The following LRRK1 variants were observed in gnomAD, a reference collection of about 807,000 sequenced individuals.
LRRK1 encodes the protein leucine-rich repeat serine/threonine-protein kinase 1.
A neutral mutation model predicts 209.1 loss-of-function variants in LRRK1; 113 were observed. The ratio of observed to expected loss-of-function variants is 0.54; its 90% CI spans 0.46 to 0.63. LRRK1 has a LOEUF of 0.63. Ranked by LOEUF, LRRK1 falls within the 30% of genes least tolerant of loss-of-function variation. The pLI is 0.00. For synonymous variants in LRRK1, 1,144 were observed against 1,099.7 expected (o/e 1.04, Z -0.80); for missense variants, 2,284 against 2,632.2 (o/e 0.87, Z 2.89).
intron 15 of LRRK1, among the ~76,000 whole-genome samples, chr15:101,023,392 C>T (rs1785582912): frequency 6.6e-6 from 1 of 152,090 alleles, no homozygotes; most frequent in African/African-American, 2.4e-5. Flanking sequence ...CAGTGCCAGG[C>T]AAATGGAAAT....
At chr15:100,926,513 A>G (rs1207314092) in intron 2 of LRRK1, among the ~76,000 whole-genome samples, 1 of 128,580 alleles carries the variant, frequency 7.8e-6, no homozygotes, top group African/African-American at 3.0e-5. Context: ...GTGCTTCTCA[A>G]CCACGGCCCA....
chr15:101,054,316 A>G (rs2035664592), intron 26 of LRRK1, among the ~76,000 whole-genome samples: 1 of 152,240 alleles, frequency 6.6e-6, no homozygotes, highest in South Asian at 2.1e-4. Context: ...TACGTAGGAC[A>G]GCCTTGACCT....
rs1451676529 is a variant in LRRK1, at chr15:101,070,682, T to G, written c.*1834T>G. 6.6e-6 allele frequency: 1 copy of G among 151,804 alleles called. No homozygotes were observed. Among genetic ancestry groups the G allele is most frequent in the Non-Finnish European group, 1.5e-5 (1 of 68,018 alleles). 9.4% of individuals were successfully genotyped at this position (151,804 alleles called of 1,614,324 possible). On this transcript the variant is annotated 3_prime_UTR_variant, in exon 34 of 34. Coordinates refer to ENST00000388948, the MANE Select transcript of LRRK1 (RefSeq NM_024652.6). Reference sequence around the variant, plus strand: ...AATCATACAGGCCTAAAGTCCCAGCTACCCAGGAGCCAAGGCAGGAGGAAC... The same window carrying G: ...AATCATACAGGCCTAAAGTCCCAGCGACCCAGGAGCCAAGGCAGGAGGAAC...
At position 101,001,285 on chromosome 15, in the gene LRRK1, T is replaced by C. The variant is rs138395768; in HGVS notation, c.763-7552T>C. Among the ~76,000 whole-genome samples, 122 of 152,232 alleles carry C rather than the reference T, an allele frequency of 8.0e-4. 2 individuals carry two copies. The East Asian group carries it at 0.016, about 20-fold the overall frequency. ...TGTAGCCTTGAAATTTACCTTCAGC[T>C]TGTGGGCGTCGGTGCACAGACGCTC... On this transcript the variant is annotated intron_variant, in intron 6 of 33. Coordinates refer to ENST00000388948, the MANE Select transcript of LRRK1 (RefSeq NM_024652.6).
At chr15:101,049,457 G>C in intron 22 of LRRK1, 187 bp from the exon 23 acceptor site, 1 of 575,654 alleles carries the variant, frequency 1.7e-6, no homozygotes, top group Non-Finnish European at 2.9e-6. Flanking sequence ...ACCAGGCCAG[G>C]TCCGGGGCAA....
intron 28 of LRRK1, among the ~76,000 whole-genome samples, 196 bp downstream of exon 28, chr15:101,057,246 G>A (rs749319288): frequency 1.3e-5 from 2 of 152,168 alleles, no homozygotes; most frequent in African/African-American, 4.8e-5. Flanking sequence ...TCACTCTTAC[G>A]AAACAAACTT....
Position 100,949,106 on chromosome 15 carries a change from C to G in LRRK1, c.97+24377C>G, listed in dbSNP as rs184182595. Among the ~76,000 whole-genome samples, 420 of 152,098 alleles carry G rather than the reference C, an allele frequency of 2.8e-3. 4 individuals are homozygous for G. The highest frequency in any genetic ancestry group is 9.7e-3 in the African/African-American group (403 of 41,506). The stretch of plus-strand genomic sequence containing the variant: ...AAAGTTAGTTCTTTGAAAAAACCAA[C>G]GATTTTTGTTGACAAACCTTTAGTT... On this transcript the variant is annotated intron_variant, in intron 2 of 33. Coordinates refer to ENST00000388948, the MANE Select transcript of LRRK1 (RefSeq NM_024652.6).
intron 33 of LRRK1, 136 bp from the exon 34 acceptor site, chr15:101,068,535 C>T: frequency 1.2e-6 from 1 of 868,342 alleles, no homozygotes; most frequent in Non-Finnish European, 1.7e-6. Context: ...CAGCACACCC[C>T]AGAGAGGGCT....
At chr15:101,015,194 G>GCCCCTGCCACTGCAGCGTGCA (rs889652377) in intron 11 of LRRK1, 132 bp from the exon 12 acceptor site, 15 of 680,392 alleles carry the variant, frequency 2.2e-5, no homozygotes, top group African/African-American at 5.4e-5. Context: ...TGCAGCGTGC[G>GCCCCTGCCACTGCAGCGTGCA]CCCCTGCCAG....
rs1175028085 is a variant in LRRK1, at chr15:101,021,274, G to A, written c.1739+92G>A. 7 of 1,373,404 alleles carry A rather than the reference G, an allele frequency of 5.1e-6. No individual in the cohort carries two copies. In the African/African-American group the frequency reaches 8.7e-5, roughly 17 times the overall value. 85.1% of individuals were successfully genotyped at this position (1,373,404 alleles called of 1,614,324 possible). ...AACCAACTGGGACACAGAAAGCCAG[G>A]CAGAAAGAAGCCATCTACTTTCCAA... On this transcript the variant is annotated intron_variant, in intron 13 of 33. Transcript: ENST00000388948.
intron 3 of LRRK1, among the ~76,000 whole-genome samples, 172 bp from the exon 4 acceptor site, chr15:100,983,356 A>G (rs1359631136): frequency 6.6e-6 from 1 of 152,096 alleles, no homozygotes; most frequent in East Asian, 1.9e-4. Context: ...TCCACCTCTC[A>G]CTTCTGAGGA....
chr15:101,066,263 G>A, intron 32 of LRRK1, 58 bp downstream of exon 32: 1 of 1,540,182 alleles, frequency 6.5e-7, no homozygotes, highest in Non-Finnish European at 8.7e-7. Flanking sequence ...CTGCTCTGGG[G>A]ACAGAGCAAG....
At chr15:101,010,409 C>T in intron 7 of LRRK1, 41 bp from the exon 8 acceptor site, 2 of 1,577,492 alleles carry the variant, frequency 1.3e-6, no homozygotes, top group Non-Finnish European at 8.6e-7. Flanking sequence ...GGTGTTTTCC[C>T]TCTTTATTCT....
At chr15:101,001,941 G>A (rs756303521) in intron 6 of LRRK1, among the ~76,000 whole-genome samples, 1 of 152,116 alleles carries the variant, frequency 6.6e-6, no homozygotes, top group African/African-American at 2.4e-5. Context: ...ACTCCGGCAA[G>A]GCTGCTCTTG....
intron 2 of LRRK1, among the ~76,000 whole-genome samples, chr15:100,951,841 A>G (rs1385000552): frequency 1.3e-5 from 2 of 151,960 alleles, no homozygotes; most frequent in Non-Finnish European, 2.9e-5. Context: ...AATCCCAGCT[A>G]CTTAGGAGGC....
At chr15:100,976,991 A>G (rs2031330241) in intron 3 of LRRK1, among the ~76,000 whole-genome samples, 3 of 152,204 alleles carry the variant, frequency 2.0e-5, no homozygotes. Context: ...CTTCTCACTA[A>G]GTGCACTGAA....
In LRRK1 at chr15:100,969,991, C is replaced by A. The variant is rs2030755852; in HGVS notation, c.98-3813C>A. On this transcript the variant is annotated intron_variant, in intron 2 of 33. Transcript: ENST00000388948. ...GCAACCTCTGCCTCCCAGGTTCAAG[C>A]GATTCTCCTGCCTCAGCCTTCATAA... Among the ~76,000 whole-genome samples the A allele has an allele frequency of 2.0e-5, 3 of 151,828 alleles. No individual in the cohort carries two copies. In the South Asian group the frequency reaches 6.2e-4, roughly 31 times the overall value.
chr15:100,973,735 C>G (rs1457468224), intron 2 of LRRK1, 69 bp from the exon 3 acceptor site: 21 of 1,239,486 alleles, frequency 1.7e-5, no homozygotes, highest in Non-Finnish European at 7.1e-6. Flanking sequence ...TGCTGTGTTC[C>G]ACGGTGATTC....
chr15:100,977,889 GCCA>G lies in LRRK1; in HGVS notation c.261+3923_261+3925del, dbSNP rs375286840. On this transcript the variant is annotated intron_variant, in intron 3 of 33. Coordinates refer to ENST00000388948, the MANE Select transcript of LRRK1 (RefSeq NM_024652.6). ...CACTGAGACAAGACAACCAAGAGAT[GCCA>G]ACACTAGGATGACTCCAATGTTAGA... Among the ~76,000 whole-genome samples, 1,189 of 152,244 alleles carry G rather than the reference GCCA, an allele frequency of 7.8e-3. 16 individuals carry two copies. The highest frequency in any genetic ancestry group is 0.027 in the African/African-American group (1,142 of 41,528).
Sources: allele counts gnomAD v4.1 joint callset (sites outside exome capture counted in the v4.1 genomes callset), GRCh38; gene constraint gnomAD v4.1.1; transcripts MANE v1.5; gene names NCBI Gene and HGNC (gene_info 2026-07-23, HGNC 2026-07-21).